Variants in NKX2-8 observed in about 807,000 individuals in gnomAD.
NKX2-8 encodes the protein homeobox protein Nkx-2.8.
Under a neutral mutation model 6.4 loss-of-function variants are expected in NKX2-8, and 8 were observed. That is an observed-to-expected ratio of 1.24 (90% CI 0.73 to 2.24). NKX2-8 has a LOEUF of 2.24. Among genes scored for constraint, NKX2-8 ranks in the 30% most tolerant of loss-of-function variants. NKX2-8 has a pLI of 0.00. For synonymous variants in NKX2-8, 216 were observed against 171.5 expected (o/e 1.26, Z -2.03); for missense variants, 406 against 351.1 (o/e 1.16, Z -1.25).
rs1290106525 is a variant in NKX2-8 at position 36,581,030 on chromosome 14, A to G, written c.592T>C (p.Cys198Arg). Residue 198 changes from cysteine (C) to arginine (R), a missense_variant, in exon 2 of 2, where the codon TGC (cysteine) becomes CGC (arginine). Transcript: ENST00000258829. This position sits in a 1 kb window ranked among gnomAD's most constrained non-coding sequence, Gnocchi z 5.6. ...CAGGCGGCGGCTGGAGGGGCGCCGC[A>G]CTTCTCCTGGGCCGCGGCGGTTCCC... ...EVGTAAAQEK[C>R]GAPPAAACPL... 4 of 1,352,276 alleles carry G rather than the reference A, an allele frequency of 3.0e-6. No homozygotes were observed. In the African/African-American group the frequency reaches 6.1e-5, roughly 21 times the overall value. 83.8% of individuals were successfully genotyped at this position (1,352,276 alleles called of 1,614,324 possible). A position where few individuals can be genotyped will look rare whatever the true frequency, so the allele number is the denominator to read the frequency against.
In NKX2-8 at chr14:36,581,423, A is replaced by G; in HGVS notation, c.199T>C (p.Ser67Pro). The change falls in exon 2 of 2, where the codon TCG becomes CCG. Residue 67 changes from serine to proline, a missense_variant. Ser to Pro is a moderately conservative substitution (Grantham distance 74). Transcript: ENST00000258829. This position sits in a 1 kb window ranked among gnomAD's most constrained non-coding sequence, Gnocchi z 5.6. ...GCGGGCCTAGCGGACGGCCGCTGCG[A>G]CGAGTCTGGCGGGCTGGTCTCCAGG... ...SSLETSPPDSSQRPSARPASP... is the reference protein window; with the variant it reads ...SSLETSPPDSPQRPSARPASP... 6.3e-7 allele frequency: 1 copy of G among 1,589,800 alleles called. No homozygotes were observed. The highest frequency in any genetic ancestry group is 8.6e-7 in the Non-Finnish European group (1 of 1,169,514).
rs1566632365 is a variant in NKX2-8 at position 36,581,513 on chromosome 14, AG to A, written c.158-50del. ...GGTGGGTGAGACGCCGGACCCTACGAGGGCCTGCTGCCCTTCTGGCGCGGGC... is the reference window on the plus strand; with the variant it reads ...GGTGGGTGAGACGCCGGACCCTACGAGGCCTGCTGCCCTTCTGGCGCGGGC... On this transcript the variant is annotated intron_variant, in intron 1 of 1. Coordinates refer to ENST00000258829, the MANE Select transcript of NKX2-8 (RefSeq NM_014360.4). This position sits in a 1 kb window ranked among gnomAD's most constrained non-coding sequence, Gnocchi z 5.6. 6.9e-7 allele frequency: 1 copy of A among 1,454,822 alleles called. No individual in the cohort carries two copies. Among genetic ancestry groups the A allele is most frequent in the Admixed American group, 2.6e-5 (1 of 38,488 alleles). 90.1% of individuals were successfully genotyped at this position (1,454,822 alleles called of 1,614,324 possible).
rs61755040 is a variant in NKX2-8, at chr14:36,581,437, C to G, written c.185G>C (p.Ser62Thr). The G allele has an allele frequency of 0.012, 18,254 of 1,580,714 alleles. 123 individuals are homozygous for G. The highest frequency in any genetic ancestry group is 0.016 in the Middle Eastern group (91 of 5,742). The change falls in exon 2 of 2, where the codon AGC becomes ACC. Residue 62 changes from serine to threonine, a missense_variant. Coordinates refer to ENST00000258829, the MANE Select transcript of NKX2-8 (RefSeq NM_014360.4). This position sits in a 1 kb window ranked among gnomAD's most constrained non-coding sequence, Gnocchi z 5.6. ...CGGCCGCTGCGACGAGTCTGGCGGG[C>G]TGGTCTCCAGGCTGCTCTCGTCCGA... ...PSSDESSLET[S>T]PPDSSQRPSA...
rs947551282 is a variant in NKX2-8, at chr14:36,581,700, C to A, written c.158-236G>T. Among the ~76,000 whole-genome samples, 4 of 152,222 alleles carry A rather than the reference C, an allele frequency of 2.6e-5. No individual in the cohort carries two copies. Among genetic ancestry groups the A allele is most frequent in the African/African-American group, 9.6e-5 (4 of 41,466 alleles). On this transcript the variant is annotated intron_variant, in intron 1 of 1. Transcript: ENST00000258829. The surrounding 1 kb of genome is among the most constrained non-coding windows in gnomAD (Gnocchi z 5.6). ...TGAGATCGTGCCCCGAAAAAACCCA[C>A]CCCGGGGCCCTCTTAACATGTCCGC...
chr14:36,581,403 C>T lies in NKX2-8; in HGVS notation c.219G>A (p.Arg73=), dbSNP rs1001640210. The part of the protein sequence containing the change: ...PPDSSQRPSA[R]PASPGSDAEK... ...CGGCGTCCGAGCCCGGAGACGCGGG[C>T]CTAGCGGACGGCCGCTGCGACGAGT... is the stretch of plus-strand genomic sequence containing the variant. Residue 73 remains arginine (R), a synonymous_variant, in exon 2 of 2, where the codon AGG becomes AGA. Coordinates refer to ENST00000258829, the MANE Select transcript of NKX2-8 (RefSeq NM_014360.4). The surrounding 1 kb of genome is among the most constrained non-coding windows in gnomAD (Gnocchi z 5.6). 4.4e-6 allele frequency: 7 copies of T among 1,595,256 alleles called. No homozygotes were observed. In the African/African-American group the frequency reaches 9.4e-5, roughly 21 times the overall value.
rs12888574 is a variant in NKX2-8, at chr14:36,580,786, G to T, written c.*116C>A. The stretch of plus-strand genomic sequence containing the variant: ...CGCGCCAGGGACCCTGGCGCCCAAG[G>T]AGATGGGGCTGCAGGGAGGCGGACG... On this transcript the variant is annotated 3_prime_UTR_variant, in exon 2 of 2. Transcript: ENST00000258829. 3 of 739,292 alleles carry T rather than the reference G, an allele frequency of 4.1e-6. No individual in the cohort carries two copies. Among genetic ancestry groups the T allele is most frequent in the Non-Finnish European group, 5.6e-6 (3 of 537,180 alleles). The allele number at this position is 739,292 out of a possible 1,614,324, so 45.8% of individuals were successfully genotyped here. A position where few individuals can be genotyped will look rare whatever the true frequency, so the allele number is the denominator to read the frequency against.
intron 1 of NKX2-8, among the ~76,000 whole-genome samples, chr14:36,582,014 C>T (rs1474759569): frequency 6.6e-6 from 1 of 152,180 alleles, no homozygotes; most frequent in Non-Finnish European, 1.5e-5. Context: ...AACCCCAAAT[C>T]TCGGAGCACC....
Position 36,582,374 on chromosome 14 carries a change from G to C in NKX2-8, c.16C>G (p.Arg6Gly). Residue 6 changes from arginine to glycine, a missense_variant, in exon 1 of 2, where the codon CGC becomes GGC. Coordinates refer to ENST00000258829, the MANE Select transcript of NKX2-8 (RefSeq NM_014360.4). ...AGGCTGCGCACGGTGAAGCTCAGGC[G>C]TCCAGAGGTGGCCATGGCCGAGGAG... Reference protein sequence around the residue: MATSGRLSFTVRSLLD... With the variant: MATSGGLSFTVRSLLD... 3 of 1,536,624 alleles carry C rather than the reference G, an allele frequency of 2.0e-6. No homozygotes were observed. The highest frequency in any genetic ancestry group is 2.6e-6 in the Non-Finnish European group (3 of 1,133,864).
At position 36,582,332 on chromosome 14, in the gene NKX2-8, G is replaced by C; in HGVS notation, c.58C>G (p.Gln20Glu). The change falls in exon 1 of 2, where the codon CAG becomes GAG. Residue 20 changes from glutamine (Q) to glutamate (E), a missense_variant. Physicochemically the swap from Gln to Glu is conservative, Grantham distance 29 (BLOSUM62 2). Coordinates refer to ENST00000258829, the MANE Select transcript of NKX2-8 (RefSeq NM_014360.4). ...CGCCTCGGCAGGTGTTGCGCGTCCT[G>C]CTCGGGTAAATCTAGAAGGCTGCGC... is the stretch of plus-strand genomic sequence containing the variant. The part of the protein sequence containing the change: ...TVRSLLDLPE[Q>E]DAQHLPRREP... 6.2e-7 allele frequency: 1 copy of C among 1,606,376 alleles called. No individual in the cohort carries two copies. The highest frequency in any genetic ancestry group is 8.5e-7 in the Non-Finnish European group (1 of 1,175,722).
Position 36,582,431 on chromosome 14 carries a change from A to C in NKX2-8, c.-42T>G, listed in dbSNP as rs1276989825. 1 of 1,428,894 alleles carries C rather than the reference A, an allele frequency of 7.0e-7. No individual in the cohort carries two copies. Among genetic ancestry groups the C allele is most frequent in the Non-Finnish European group, 9.2e-7 (1 of 1,083,674 alleles). 88.5% of individuals were successfully genotyped at this position (1,428,894 alleles called of 1,614,324 possible). Reference sequence around the variant, plus strand: ...GAGGCGGGGGCAGGGCAGGCTGGGAACGGAGGGGCGGCCGGGACGCCGCTC... The same window carrying C: ...GAGGCGGGGGCAGGGCAGGCTGGGACCGGAGGGGCGGCCGGGACGCCGCTC... On this transcript the variant is annotated 5_prime_UTR_variant, in exon 1 of 2. Coordinates refer to ENST00000258829, the MANE Select transcript of NKX2-8 (RefSeq NM_014360.4).
chr14:36,581,610 C>T lies in NKX2-8; in HGVS notation c.158-146G>A, dbSNP rs912596695. The stretch of plus-strand genomic sequence containing the variant: ...GGGATGAGGCCATTTCCTGAGTCCA[C>T]ATCTGGACATCCACCTCTCCGAATG... On this transcript the variant is annotated intron_variant, in intron 1 of 1. Coordinates refer to ENST00000258829, the MANE Select transcript of NKX2-8 (RefSeq NM_014360.4). The surrounding 1 kb of genome is among the most constrained non-coding windows in gnomAD (Gnocchi z 5.6). 1.8e-5 allele frequency: 12 copies of T among 661,424 alleles called. No homozygotes were observed. Among genetic ancestry groups the T allele is most frequent in the Middle Eastern group, 4.2e-4 (1 of 2,398 alleles). 41.0% of individuals were successfully genotyped at this position (661,424 alleles called of 1,614,324 possible). A position where few individuals can be genotyped will look rare whatever the true frequency, so the allele number is the denominator to read the frequency against.
Position 36,581,384 on chromosome 14 carries a change from C to G in NKX2-8, c.238G>C (p.Asp80His). 6.9e-6 allele frequency: 11 copies of G among 1,594,342 alleles called. No homozygotes were observed. Among genetic ancestry groups the G allele is most frequent in the Non-Finnish European group, 9.4e-6 (11 of 1,170,968 alleles). Residue 80 changes from aspartate to histidine, a missense_variant, in exon 2 of 2, where the codon GAC becomes CAC. By Grantham distance (81) the Asp-to-His change is moderately conservative (BLOSUM62 -1). Coordinates refer to ENST00000258829, the MANE Select transcript of NKX2-8 (RefSeq NM_014360.4). This position sits in a 1 kb window ranked among gnomAD's most constrained non-coding sequence, Gnocchi z 5.6. ...PSARPASPGS[D>H]AEKRKKRRVL... ...CGCCGCTTCTTCCTTTTCTCGGCGT[C>G]CGAGCCCGGAGACGCGGGCCTAGCG...
Position 36,580,917 on chromosome 14 carries a change from G to A in NKX2-8, c.705C>T (p.Val235=), listed in dbSNP as rs1353541182. ...AYQHLASPAL[V]SWNW ...CCCTGCGGCCTCACCAGTTCCAGGA[G>A]ACCAGGGCGGGGGATGCTAAGTGCT... The change falls in exon 2 of 2, where the codon GTC becomes GTT. Residue 235 remains valine, a synonymous_variant. Coordinates refer to ENST00000258829, the MANE Select transcript of NKX2-8 (RefSeq NM_014360.4). 1.5e-6 allele frequency: 2 copies of A among 1,329,016 alleles called. No individual in the cohort carries two copies. Among genetic ancestry groups the A allele is most frequent in the African/African-American group, 1.5e-5 (1 of 66,452 alleles). The allele number at this position is 1,329,016 out of a possible 1,614,324, so 82.3% of individuals were successfully genotyped here. A position where few individuals can be genotyped will look rare whatever the true frequency, so the allele number is the denominator to read the frequency against.
In NKX2-8 at chr14:36,580,975, G is replaced by T. The variant is rs1879204930; in HGVS notation, c.647C>A (p.Pro216His). 7.4e-7 allele frequency: 1 copy of T among 1,352,820 alleles called. No individual in the cohort carries two copies. Among genetic ancestry groups the T allele is most frequent in the African/African-American group, 1.5e-5 (1 of 66,714 alleles). 83.8% of individuals were successfully genotyped at this position (1,352,820 alleles called of 1,614,324 possible). ...CPLPGYPAFG[P>H]GSALGLFPAY... ...GGGGAAGAGGCCAAGCGCCGAGCCG[G>T]GACCGAAGGCAGGGTAGCCCGGCAG... The change falls in exon 2 of 2, where the codon CCC becomes CAC. Residue 216 changes from proline (P) to histidine (H), a missense_variant. Pro to His is a moderately conservative substitution (Grantham distance 77, BLOSUM62 -2). Coordinates refer to ENST00000258829, the MANE Select transcript of NKX2-8 (RefSeq NM_014360.4).
Position 36,580,660 on chromosome 14 carries a change from C to T in NKX2-8, c.*242G>A. Reference sequence around the variant, plus strand: ...TATTTAAAAATATACAAATAAGGCCCAAGCATAAAATCTAACTCTGGGGCT... The same window carrying T: ...TATTTAAAAATATACAAATAAGGCCTAAGCATAAAATCTAACTCTGGGGCT... On this transcript the variant is annotated 3_prime_UTR_variant, in exon 2 of 2. Transcript: ENST00000258829. 1 of 393,024 alleles carries T rather than the reference C, an allele frequency of 2.5e-6. No individual in the cohort carries two copies. Among genetic ancestry groups the T allele is most frequent in the Non-Finnish European group, 4.5e-6 (1 of 222,936 alleles). The allele number at this position is 393,024 out of a possible 1,614,324, so 24.3% of individuals were successfully genotyped here. A position where few individuals can be genotyped will look rare whatever the true frequency, so the allele number is the denominator to read the frequency against.
In NKX2-8 at chr14:36,580,814, G is replaced by A; in HGVS notation, c.*88C>T. On this transcript the variant is annotated 3_prime_UTR_variant, in exon 2 of 2. Transcript: ENST00000258829. ...ATGGGGCTGCAGGGAGGCGGACGGA[G>A]AGCGTTCCAGGCGTTCGGCTCCGGC... 4 of 992,758 alleles carry A rather than the reference G, an allele frequency of 4.0e-6. No individual in the cohort carries two copies. Among genetic ancestry groups the A allele is most frequent in the Non-Finnish European group, 5.2e-6 (4 of 767,340 alleles). The allele number at this position is 992,758 out of a possible 1,614,324, so 61.5% of individuals were successfully genotyped here.
rs771556367 is a variant in NKX2-8 at position 36,581,268 on chromosome 14, C to A, written c.354G>T (p.Ala118=). The A allele has an allele frequency of 5.4e-5, 86 of 1,606,222 alleles. No individual in the cohort carries two copies. Among genetic ancestry groups the A allele is most frequent in the Non-Finnish European group, 6.5e-5 (77 of 1,177,280 alleles). Residue 118 remains alanine, a synonymous_variant, in exon 2 of 2, where the codon GCG becomes GCT. Transcript: ENST00000258829. The surrounding 1 kb of genome is among the most constrained non-coding windows in gnomAD (Gnocchi z 5.6). ...GCGTGGGCGTGAGGCGAAGCAGGCT[C>A]GCCAGCTGCTCGCGCTCGGGCGCAG... is the stretch of plus-strand genomic sequence containing the variant. ...YLSAPEREQL[A]SLLRLTPTQV...
rs1263099554 is a variant in NKX2-8, at chr14:36,580,769, G to A, written c.*133C>T. On this transcript the variant is annotated 3_prime_UTR_variant, in exon 2 of 2. Coordinates refer to ENST00000258829, the MANE Select transcript of NKX2-8 (RefSeq NM_014360.4). ...GCGACGGCTGATGAGGGCGCGCCAGGGACCCTGGCGCCCAAGGAGATGGGG... is the reference window on the plus strand; with the variant it reads ...GCGACGGCTGATGAGGGCGCGCCAGAGACCCTGGCGCCCAAGGAGATGGGG... The A allele has an allele frequency of 6.6e-6, 4 of 605,966 alleles. No homozygotes were observed. Among genetic ancestry groups the A allele is most frequent in the African/African-American group, 3.8e-5 (2 of 52,326 alleles). The allele number at this position is 605,966 out of a possible 1,614,324, so 37.5% of individuals were successfully genotyped here.
Position 36,581,737 on chromosome 14 carries a change from C to A in NKX2-8, c.158-273G>T, listed in dbSNP as rs1001566772. 2.0e-5 allele frequency among the ~76,000 whole-genome samples: 3 copies of A among 152,180 alleles called. No individual in the cohort carries two copies. Among genetic ancestry groups the A allele is most frequent in the African/African-American group, 7.2e-5 (3 of 41,444 alleles). ...CTTAACATGTCCGCACCGGTAGTTGCGCTGGCCGACCAGTTTATCACAAGC... is the reference window on the plus strand; with the variant it reads ...CTTAACATGTCCGCACCGGTAGTTGAGCTGGCCGACCAGTTTATCACAAGC... On this transcript the variant is annotated intron_variant, in intron 1 of 1. Transcript: ENST00000258829. This position sits in a 1 kb window ranked among gnomAD's most constrained non-coding sequence, Gnocchi z 5.6.
Sources: gnomAD v4.1 joint callset for allele counts (sites outside exome capture counted in the v4.1 genomes callset) on GRCh38, gnomAD v4.1.1 for gene constraint, Gnocchi (gnomAD v3.1) non-coding constraint, MANE v1.5 for transcripts, NCBI Gene and HGNC (gene_info 2026-07-23, HGNC 2026-07-21) for gene names.